KIAA2012: variants seen among roughly 807,000 people sequenced by gnomAD.
KIAA2012 encodes KIAA2012.
KIAA2012 carries 125 observed loss-of-function variants against 150.6 expected under a neutral mutation model. That is an observed-to-expected ratio of 0.83 (90% confidence interval 0.72 to 0.96). The LOEUF (loss-of-function observed/expected upper bound fraction) is 0.96. Ranked by LOEUF, KIAA2012 falls within the 40% of genes least tolerant of loss-of-function variation. KIAA2012 has a pLI of 0.00. For synonymous variants in KIAA2012, 462 were observed against 504.7 expected, an observed-to-expected ratio of 0.92 and a Z score of 1.13; for missense variants, 1,219 against 1,354.9, an observed-to-expected ratio of 0.90 and a Z score of 1.57.
chr2:202,073,895 G>A (rs73051001), intron 1 of KIAA2012, among the ~76,000 whole-genome samples, 184 bp downstream of exon 1: 1,805 of 151,794 alleles, frequency 0.012, 46 homozygotes, highest in African/African-American at 0.041. Context: ...CTGACACACC[G>A]AGATTGCCCC....
chr2:202,161,924 T>G (rs1022466838), intron 14 of KIAA2012, among the ~76,000 whole-genome samples: 2 of 152,170 alleles, frequency 1.3e-5, no homozygotes, highest in African/African-American at 4.8e-5. Context: ...CCATTTGTTT[T>G]GCTCACTCAC....
intron 5 of KIAA2012, among the ~76,000 whole-genome samples, chr2:202,099,113 G>A (rs1689976306): frequency 1.3e-5 from 2 of 151,704 alleles, no homozygotes; most frequent in African/African-American, 2.4e-5. Context: ...TCAGCCCCCT[G>A]AGTAGCTGGG....
intron 22 of KIAA2012, chr2:202,201,859 G>A (rs1217873373): frequency 1.6e-6 from 2 of 1,263,784 alleles, no homozygotes; most frequent in East Asian, 4.6e-5. Flanking sequence ...TAGGTTGGCT[G>A]TGTTGGATAT....
intron 11 of KIAA2012, among the ~76,000 whole-genome samples, chr2:202,118,350 C>T (rs1308917408): frequency 6.6e-6 from 1 of 152,092 alleles, no homozygotes; most frequent in African/African-American, 2.4e-5. Flanking sequence ...CCCAGCATTT[C>T]CTTCCAGTGG....
At chr2:202,200,743 G>T (rs1190261972) in intron 22 of KIAA2012, among the ~76,000 whole-genome samples, 2 of 109,928 alleles carry the variant, frequency 1.8e-5, no homozygotes, top group Non-Finnish European at 3.5e-5. Context: ...TTTCGCTCTT[G>T]TTGCCCAGGC....
chr2:202,113,472 C>CT (rs1462847105), intron 11 of KIAA2012, 26 bp downstream of exon 11: 6 of 1,459,596 alleles, frequency 4.1e-6, no homozygotes, highest in Non-Finnish European at 5.5e-6. Context: ...CCAGGGCAGC[C>CT]TTGTTTTTTT....
intron 16 of KIAA2012, among the ~76,000 whole-genome samples, chr2:202,185,441 T>C (rs1692208205): frequency 6.6e-6 from 1 of 152,174 alleles, no homozygotes; most frequent in African/African-American, 2.4e-5. Flanking sequence ...TGCTGTCACC[T>C]GCCCAGGGAT....
intron 18 of KIAA2012, among the ~76,000 whole-genome samples, chr2:202,189,608 T>C (rs1692291369): frequency 6.6e-6 from 1 of 152,032 alleles, no homozygotes; most frequent in South Asian, 2.1e-4. Flanking sequence ...ACTTATTTAA[T>C]AGCAAGACTG....
chr2:202,179,675 G>C, intron 15 of KIAA2012: 1 of 659,742 alleles, frequency 1.5e-6, no homozygotes, highest in South Asian at 1.4e-5. Flanking sequence ...GGTGGTGTTT[G>C]TCCATTTGGA....
intron 15 of KIAA2012, among the ~76,000 whole-genome samples, chr2:202,184,386 A>T (rs927606388): frequency 6.8e-6 from 1 of 147,484 alleles, no homozygotes; most frequent in Non-Finnish European, 1.5e-5. Flanking sequence ...TCCGTCTCAA[A>T]AAAAAAAAAA....
intron 10 of KIAA2012, among the ~76,000 whole-genome samples, chr2:202,112,222 C>T (rs1042501042): frequency 2.0e-5 from 3 of 151,976 alleles, no homozygotes; most frequent in Admixed American, 6.6e-5. Flanking sequence ...CCACAACCTC[C>T]AGGAAAGGGG....
At chr2:202,177,989 A>C (rs545937490) in intron 15 of KIAA2012, among the ~76,000 whole-genome samples, 1 of 152,330 alleles carries the variant, frequency 6.6e-6, no homozygotes, top group East Asian at 1.9e-4. Flanking sequence ...ACTTGAGTTC[A>C]GGAATTTGAG....
intron 16 of KIAA2012, 24 bp downstream of exon 16, chr2:202,184,867 C>T (rs1326371088): frequency 1.3e-6 from 2 of 1,499,566 alleles, no homozygotes; most frequent in Non-Finnish European, 1.8e-6. Flanking sequence ...GTTGTAATAA[C>T]ATAGGCTTCT....
intron 11 of KIAA2012, 77 bp from the exon 12 acceptor site, chr2:202,125,137 C>T (rs1690750256): frequency 8.5e-7 from 1 of 1,172,836 alleles, no homozygotes; most frequent in South Asian, 1.4e-5. Context: ...TCATGTTTTC[C>T]CCTGTCTTCG....
At position 202,086,271 on chromosome 2, in the gene KIAA2012, C is replaced by T. The variant is rs72936690; in HGVS notation, c.370-4499C>T. On this transcript the variant is annotated intron_variant, in intron 2 of 23. Coordinates refer to ENST00000498697, the MANE Select transcript of KIAA2012 (RefSeq NM_001277372.4). ...GACTCAAACAGCACATCTTGCCATCCGCACAGGGGCCACAGCATCTTGGAA... is the reference window on the plus strand; with the variant it reads ...GACTCAAACAGCACATCTTGCCATCTGCACAGGGGCCACAGCATCTTGGAA... 7.1e-3 allele frequency among the ~76,000 whole-genome samples: 1,082 copies of T among 152,098 alleles called. 6 individuals carry two copies. Among genetic ancestry groups the T allele is most frequent in the Non-Finnish European group, 0.01 (702 of 68,000 alleles).
intron 13 of KIAA2012, among the ~76,000 whole-genome samples, chr2:202,153,736 A>G (rs2105951832): frequency 6.6e-6 from 1 of 152,234 alleles, no homozygotes. Context: ...TGCACTCTTC[A>G]TGAGGGTGGA....
chr2:202,185,037 C>G (rs1692201358), intron 16 of KIAA2012, among the ~76,000 whole-genome samples, 194 bp downstream of exon 16: 1 of 151,938 alleles, frequency 6.6e-6, no homozygotes, highest in Non-Finnish European at 1.5e-5. Flanking sequence ...ATGTTTCCTA[C>G]CTAAATCATA....
intron 15 of KIAA2012, among the ~76,000 whole-genome samples, chr2:202,166,003 G>A (rs1322773086): frequency 6.6e-6 from 1 of 152,138 alleles, no homozygotes; most frequent in Non-Finnish European, 1.5e-5. Flanking sequence ...AGGGAAACAT[G>A]CTCCAGTCTT....
chr2:202,127,324 G>C (rs1429134105), intron 12 of KIAA2012, among the ~76,000 whole-genome samples: 1 of 152,222 alleles, frequency 6.6e-6, no homozygotes, highest in Non-Finnish European at 1.5e-5. Context: ...TGAAACTTCA[G>C]AGAGGTGAAT....
Sources: allele counts gnomAD v4.1 joint callset (sites outside exome capture counted in the v4.1 genomes callset), GRCh38; gene constraint gnomAD v4.1.1; transcripts MANE v1.5; gene names NCBI Gene and HGNC (gene_info 2026-07-23, HGNC 2026-07-21).